Variants in ERMAP observed in about 807,000 individuals in gnomAD.
ERMAP encodes the protein erythroblast membrane associated protein (Scianna blood group).
A neutral mutation model predicts 49.5 loss-of-function variants in ERMAP; 34 were observed. The ratio of observed to expected loss-of-function variants is 0.69; its 90% CI spans 0.52 to 0.91. The LOEUF is 0.91. ERMAP is among the 40% of genes least tolerant of loss of function. ERMAP has a pLI of 0.00. For synonymous variants in ERMAP, 214 were observed against 232.2 expected, an observed-to-expected ratio of 0.92 and a Z score of 0.71; for missense variants, 541 against 582.6, an observed-to-expected ratio of 0.93 and a Z score of 0.74.
chr1:42,823,169 T>C (rs139661076), intron 1 of ERMAP, among the ~76,000 whole-genome samples: 9 of 152,338 alleles, frequency 5.9e-5, no homozygotes, highest in Non-Finnish European at 8.8e-5. Context: ...TAAAGCTTAG[T>C]TGTGACATGA....
At chr1:42,837,865 G>A (rs11210727) in intron 7 of ERMAP, 24,270 of 152,474 alleles carry the variant, frequency 0.16, 2,125 homozygotes, top group Admixed American at 0.26. Flanking sequence ...TGATGTCAGC[G>A]TCTCCTCTCT....
chr1:42,825,816 C>A, intron 2 of ERMAP, 78 bp downstream of exon 2: 1 of 1,264,920 alleles, frequency 7.9e-7, no homozygotes, highest in Non-Finnish European at 1.0e-6. Context: ...GAGAAATAAT[C>A]CCCTTTCTCC....
chr1:42,831,505 C>T (rs541502211), intron 4 of ERMAP, among the ~76,000 whole-genome samples: 1 of 150,494 alleles, frequency 6.6e-6, no homozygotes, highest in African/African-American at 2.4e-5. Flanking sequence ...CTTAATGGGT[C>T]CTCTCCTGGG....
At chr1:42,837,242 T>A (rs769388225) in intron 7 of ERMAP, 52 bp downstream of exon 7, 24 of 1,567,504 alleles carry the variant, frequency 1.5e-5, no homozygotes, top group Non-Finnish European at 2.1e-5. Flanking sequence ...ATTCTTTATT[T>A]TTCTATGTAA....
rs751607547 is a variant in ERMAP, at chr1:42,842,810, G to A, written c.1006G>A (p.Gly336Arg). Residue 336 changes from glycine to arginine, a missense_variant, in exon 12 of 12, where the codon GGG becomes AGG. By Grantham distance (125) the Gly-to-Arg change is moderately radical (BLOSUM62 -2). Transcript: ENST00000372517. ...NGHWLLRQSR[G>R]NEYEALTSPQ... ...ACACTGGCTTCTGCGACAGAGTCGT[G>A]GGAATGAGTATGAAGCTCTCACATC... 1 of 1,614,180 alleles carries A rather than the reference G, an allele frequency of 6.2e-7. No homozygotes were observed. The highest frequency in any genetic ancestry group is 8.5e-7 in the Non-Finnish European group (1 of 1,180,022).
In ERMAP at chr1:42,844,022, G is replaced by A. The variant is rs1329834398; in HGVS notation, c.*790G>A. The A allele has an allele frequency of 2.5e-6, 1 of 398,556 alleles. No homozygotes were observed. The highest frequency in any genetic ancestry group is 4.4e-6 in the Non-Finnish European group (1 of 226,028). 24.7% of individuals were successfully genotyped at this position (398,556 alleles called of 1,614,324 possible). On this transcript the variant is annotated 3_prime_UTR_variant, in exon 12 of 12. Transcript: ENST00000372517. This position sits in a 1 kb window ranked among gnomAD's most constrained non-coding sequence, Gnocchi z 4.0. Reference sequence around the variant, plus strand: ...GCCCAGACCTTCAGAGGCTCAGTCTGTTGAGTCTGTTGTGACTGTCTTATG... The same window carrying A: ...GCCCAGACCTTCAGAGGCTCAGTCTATTGAGTCTGTTGTGACTGTCTTATG...
chr1:42,825,177 C>T (rs528114368), intron 1 of ERMAP, among the ~76,000 whole-genome samples: 19 of 152,246 alleles, frequency 1.2e-4, no homozygotes, highest in African/African-American at 3.9e-4. Context: ...AAGCGTTTAT[C>T]ACATGTTGGA....
At chr1:42,825,602 T>C (rs1654518995) in intron 1 of ERMAP, 21 bp from the exon 2 acceptor site, 1 of 1,278,230 alleles carries the variant, frequency 7.8e-7, no homozygotes, top group African/African-American at 1.5e-5. Flanking sequence ...AATATGAACT[T>C]TTCCCGGCCC....
chr1:42,835,719 C>T lies in ERMAP; in HGVS notation c.551-13C>T. On this transcript the variant is annotated splice_polypyrimidine_tract_variant and intron_variant, in intron 5 of 11. Coordinates refer to ENST00000372517, the MANE Select transcript of ERMAP (RefSeq NM_001017922.2). ...CTTCCTAAGCTGAGCTGGCATTTCT[C>T]TCTCCCTTTTAGAAAAGCTTCTCTA... 1 of 1,611,700 alleles carries T rather than the reference C, an allele frequency of 6.2e-7. No individual in the cohort carries two copies. The highest frequency in any genetic ancestry group is 8.5e-7 in the Non-Finnish European group (1 of 1,178,992).
intron 2 of ERMAP, among the ~76,000 whole-genome samples, chr1:42,827,518 G>C (rs1237167635): frequency 6.6e-6 from 1 of 152,170 alleles, no homozygotes; most frequent in Non-Finnish European, 1.5e-5. Flanking sequence ...TACATGCATA[G>C]AAAGAATATT....
At chr1:42,827,941 G>A (rs1325485931) in intron 2 of ERMAP, among the ~76,000 whole-genome samples, 3 of 152,036 alleles carry the variant, frequency 2.0e-5, no homozygotes, top group Non-Finnish European at 2.9e-5. Flanking sequence ...TTTCAGAGAT[G>A]TTGTCAGTAC....
intron 4 of ERMAP, among the ~76,000 whole-genome samples, chr1:42,832,971 G>A (rs1557609987): frequency 6.6e-6 from 1 of 152,350 alleles, no homozygotes; most frequent in East Asian, 1.9e-4. Flanking sequence ...GAACCTCAAG[G>A]CAGGGTACTT....
chr1:42,822,206 T>C (rs1654423440), intron 1 of ERMAP, among the ~76,000 whole-genome samples: 1 of 151,848 alleles, frequency 6.6e-6, no homozygotes, highest in South Asian at 2.1e-4. Flanking sequence ...TTTTTTAAGA[T>C]GGAGTCTCAC....
At chr1:42,834,365 G>C (rs1298758799) in intron 4 of ERMAP, among the ~76,000 whole-genome samples, 1 of 152,168 alleles carries the variant, frequency 6.6e-6, no homozygotes, top group Admixed American at 6.5e-5. Context: ...AAACAGGCAG[G>C]TGCTCCTGGG....
chr1:42,827,968 G>A (rs1654601284), intron 2 of ERMAP, among the ~76,000 whole-genome samples: 1 of 151,756 alleles, frequency 6.6e-6, no homozygotes, highest in Non-Finnish European at 1.5e-5. Flanking sequence ...CAATATATAT[G>A]GAGAAACAAC....
chr1:42,840,751 C>T (rs564350198), intron 11 of ERMAP, among the ~76,000 whole-genome samples: 31 of 152,120 alleles, frequency 2.0e-4, no homozygotes, highest in East Asian at 5.8e-4. Context: ...TTTATTTTTA[C>T]GTAGTCAAAT....
chr1:42,842,853 G>T lies in ERMAP; in HGVS notation c.1049G>T (p.Arg350Leu). 1 of 1,614,100 alleles carries T rather than the reference G, an allele frequency of 6.2e-7. No individual in the cohort carries two copies. The highest frequency in any genetic ancestry group is 8.5e-7 in the Non-Finnish European group (1 of 1,180,022). The change falls in exon 12 of 12, where the codon CGC becomes CTC. Residue 350 changes from arginine to leucine, a missense_variant. Physicochemically the swap from Arg to Leu is moderately radical, Grantham distance 102. Transcript: ENST00000372517. Reference protein sequence around the residue: ...EALTSPQTSFRLKEPPRCVGI... With the variant: ...EALTSPQTSFLLKEPPRCVGI... ...CTCACATCCCCGCAGACCTCCTTCC[G>T]CCTTAAAGAGCCTCCACGGTGTGTG...
intron 11 of ERMAP, among the ~76,000 whole-genome samples, chr1:42,841,143 G>A (rs1655047793): frequency 6.6e-6 from 1 of 152,032 alleles, no homozygotes; most frequent in Non-Finnish European, 1.5e-5. Context: ...AACAAATTAT[G>A]AGTTGGCCAC....
chr1:42,835,109 A>G lies in ERMAP; in HGVS notation c.505A>G (p.Ile169Val), dbSNP rs774989891. The change falls in exon 5 of 12, where the codon ATC becomes GTC. Residue 169 changes from isoleucine (I) to valine (V), a missense_variant. Physicochemically the swap from Ile to Val is conservative, Grantham distance 29. Coordinates refer to ENST00000372517, the MANE Select transcript of ERMAP (RefSeq NM_001017922.2). ...AVILPVLVLL[I>V]MVCLCLIWKQ... ...GATCCTGCCTGTCCTGGTACTTCTCATCATGGTGTGCCTTTGCCTTATCTG... is the reference window on the plus strand; with the variant it reads ...GATCCTGCCTGTCCTGGTACTTCTCGTCATGGTGTGCCTTTGCCTTATCTG... 1.9e-5 allele frequency: 30 copies of G among 1,577,772 alleles called. No homozygotes were observed. In the African/African-American group the frequency reaches 3.8e-4, roughly 20 times the overall value.
Sources: allele counts gnomAD v4.1 joint callset (sites outside exome capture counted in the v4.1 genomes callset), GRCh38; gene constraint gnomAD v4.1.1; non-coding constraint Gnocchi (gnomAD v3.1); transcripts MANE v1.5; gene names NCBI Gene and HGNC (gene_info 2026-07-23, HGNC 2026-07-21).